Variants in USP6NL observed in about 807,000 individuals in gnomAD.
USP6NL encodes the protein USP6 N-terminal-like protein.
In USP6NL, 26 loss-of-function variants were observed where a neutral mutation model predicts 61.9. That is an observed-to-expected ratio of 0.42 (90% CI 0.31 to 0.58). USP6NL has a LOEUF of 0.58. Ranked by LOEUF, USP6NL falls within the 20% of genes least tolerant of loss-of-function variation. The pLI is 0.16. For synonymous variants in USP6NL, 432 were observed against 390.1 expected (o/e 1.11, Z -1.27); for missense variants, 1,114 against 1,034.3 (o/e 1.08, Z -1.06).
chr10:11,571,147 A>C lies in USP6NL; in HGVS notation c.4+26484T>G, dbSNP rs192842948. Among the ~76,000 whole-genome samples the C allele has an allele frequency of 2.6e-5, 4 of 151,224 alleles. No individual in the cohort carries two copies. The East Asian group carries it at 7.8e-4, about 30-fold the overall frequency. On this transcript the variant is annotated intron_variant, in intron 2 of 14. Transcript: ENST00000609104. ...TGCCCAAGCTGGAGTGCAATGGCGC[A>C]ATCTCAGCTCACCGCAACCTCTGCC... is the stretch of plus-strand genomic sequence containing the variant.
chr10:11,542,848 T>C (rs1836121607), intron 2 of USP6NL, among the ~76,000 whole-genome samples: 1 of 152,184 alleles, frequency 6.6e-6, no homozygotes, highest in South Asian at 2.1e-4. Flanking sequence ...CAGCAGCAGC[T>C]GCGTCGACAG....
In USP6NL at chr10:11,562,888, A is replaced by T; in HGVS notation, c.4+34743T>A. 1 of 527,964 alleles carries T rather than the reference A, an allele frequency of 1.9e-6. No individual in the cohort carries two copies. Among genetic ancestry groups the T allele is most frequent in the Non-Finnish European group, 2.4e-6 (1 of 412,144 alleles). 32.7% of individuals were successfully genotyped at this position (527,964 alleles called of 1,614,324 possible). On this transcript the variant is annotated intron_variant, in intron 2 of 14. Transcript: ENST00000609104. The surrounding 1 kb of genome is among the most constrained non-coding windows in gnomAD (Gnocchi z 4.8). ...AAAAGTAGACATCCACTTACCATGC[A>T]ATCTATGAATCACATTCCTGGGTAT...
rs775674398 is a variant in USP6NL, at chr10:11,463,662, G to A, written c.1266C>T (p.Thr422=). ...HEHSPHPQSR[T]GTPERAQPPR... ...GCGGCTGTGCTCTCTCGGGCGTCCC[G>A]GTCCTGCTCTGGGGGTGCGGGGAGT... The change falls in exon 15 of 15, where the codon ACC becomes ACT. Residue 422 remains threonine, a synonymous_variant. Coordinates refer to ENST00000609104, the MANE Select transcript of USP6NL (RefSeq NM_014688.5). The surrounding 1 kb of genome is among the most constrained non-coding windows in gnomAD (Gnocchi z 6.3). The A allele has an allele frequency of 1.3e-5, 21 of 1,613,858 alleles. No homozygotes were observed. The highest frequency in any genetic ancestry group is 5.0e-5 in the Admixed American group (3 of 60,016).
chr10:11,469,559 T>C (rs1832641634), intron 14 of USP6NL, among the ~76,000 whole-genome samples: 1 of 152,220 alleles, frequency 6.6e-6, no homozygotes, highest in Admixed American at 6.5e-5. Flanking sequence ...ACCTCAACTG[T>C]AGAAAAACAT....
chr10:11,599,319 C>CT (rs757892389), intron 1 of USP6NL, among the ~76,000 whole-genome samples: 4 of 152,150 alleles, frequency 2.6e-5, no homozygotes, highest in Non-Finnish European at 4.4e-5. Context: ...GGACTTTTCT[C>CT]TTTATGTTTA....
intron 1 of USP6NL, among the ~76,000 whole-genome samples, chr10:11,603,187 T>C (rs532307411): frequency 6.6e-6 from 1 of 152,320 alleles, no homozygotes; most frequent in Non-Finnish European, 1.5e-5. Context: ...TAATGAGGCA[T>C]GAGATAAGAA....
intron 2 of USP6NL, among the ~76,000 whole-genome samples, chr10:11,590,087 A>G (rs1396099086): frequency 2.0e-5 from 3 of 152,226 alleles, no homozygotes; most frequent in Non-Finnish European, 1.5e-5. Flanking sequence ...GTTTTAAAAA[A>G]GAATTAATTT....
Position 11,595,670 on chromosome 10 carries a change from A to C in USP6NL, c.4+1961T>G, listed in dbSNP as rs1373523911. On this transcript the variant is annotated intron_variant, in intron 2 of 14. Coordinates refer to ENST00000609104, the MANE Select transcript of USP6NL (RefSeq NM_014688.5). This position sits in a 1 kb window ranked among gnomAD's most constrained non-coding sequence, Gnocchi z 5.3. Reference sequence around the variant, plus strand: ...AAATCACAAAAAGAAAGAGAGAGACATAAGAGCAAAAAAACTTCCATCAGA... The same window carrying C: ...AAATCACAAAAAGAAAGAGAGAGACCTAAGAGCAAAAAAACTTCCATCAGA... Among the ~76,000 whole-genome samples the C allele has an allele frequency of 6.6e-6, 1 of 152,218 alleles. No homozygotes were observed. The highest frequency in any genetic ancestry group is 1.5e-5 in the Non-Finnish European group (1 of 68,024).
intron 2 of USP6NL, among the ~76,000 whole-genome samples, chr10:11,584,550 C>T (rs957305266): frequency 6.6e-6 from 1 of 152,174 alleles, no homozygotes; most frequent in Non-Finnish European, 1.5e-5. Flanking sequence ...CACTCTTCCC[C>T]CCTTTCTGAA....
At chr10:11,582,247 T>A (rs1241595952) in intron 2 of USP6NL, among the ~76,000 whole-genome samples, 1 of 152,178 alleles carries the variant, frequency 6.6e-6, no homozygotes, top group Non-Finnish European at 1.5e-5. Context: ...ATTACAGGCG[T>A]AAGCAACCAC....
At chr10:11,530,856 G>T (rs932408962) in intron 2 of USP6NL, among the ~76,000 whole-genome samples, 1 of 152,172 alleles carries the variant, frequency 6.6e-6, no homozygotes, top group African/African-American at 2.4e-5. Context: ...ATACTATCTG[G>T]TCTGAAGTTT....
intron 14 of USP6NL, among the ~76,000 whole-genome samples, chr10:11,475,551 G>A (rs571420820): frequency 4.8e-5 from 7 of 145,162 alleles, no homozygotes; most frequent in East Asian, 2.0e-4. Flanking sequence ...AGCCGAGATC[G>A]TGCCATTGCA....
At chr10:11,538,996 G>A (rs534339420) in intron 2 of USP6NL, among the ~76,000 whole-genome samples, 3 of 152,158 alleles carry the variant, frequency 2.0e-5, no homozygotes, top group African/African-American at 2.4e-5. Flanking sequence ...CTTCCATCAC[G>A]CTTCAAGTCA....
chr10:11,469,725 A>G (rs1229129427), intron 14 of USP6NL, among the ~76,000 whole-genome samples: 2 of 152,228 alleles, frequency 1.3e-5, no homozygotes, highest in East Asian at 1.9e-4. Context: ...GAGGCCCCGC[A>G]CAGTGGGGGA....
Position 11,541,230 on chromosome 10 carries a change from CATATATATATATAT to C in USP6NL, c.5-13677_5-13664del, listed in dbSNP as rs71378797. On this transcript the variant is annotated intron_variant, in intron 2 of 14. Coordinates refer to ENST00000609104, the MANE Select transcript of USP6NL (RefSeq NM_014688.5). Reference sequence around the variant, plus strand: ...TTTATATAACAAACATCAATAGTGCCATATATATATATATATATATATATATATATATATATATA... The same window carrying C: ...TTTATATAACAAACATCAATAGTGCCATATATATATATATATATATATATA... 6.9e-3 allele frequency among the ~76,000 whole-genome samples: 298 copies of C among 43,206 alleles called. 5 individuals are homozygous for C. The highest frequency in any genetic ancestry group is 0.053 in the East Asian group (94 of 1,766). 28.3% of individuals were successfully genotyped at this position (43,206 alleles called of 152,430 possible).
intron 4 of USP6NL, among the ~76,000 whole-genome samples, chr10:11,523,442 A>T (rs995048796): frequency 4.6e-5 from 7 of 152,170 alleles, no homozygotes; most frequent in African/African-American, 1.7e-4. Flanking sequence ...TATACCTTTC[A>T]GATTTGTGAA....
intron 2 of USP6NL, among the ~76,000 whole-genome samples, chr10:11,533,513 T>C (rs772533451): frequency 1.1e-4 from 17 of 152,116 alleles, no homozygotes; most frequent in Non-Finnish European, 2.2e-4. Flanking sequence ...GTCACAAGAA[T>C]CCTTCTGAAC....
At chr10:11,608,435 G>C (rs917246285) in intron 1 of USP6NL, among the ~76,000 whole-genome samples, 1 of 152,182 alleles carries the variant, frequency 6.6e-6, no homozygotes, top group South Asian at 2.1e-4. Flanking sequence ...GGCTATGGAC[G>C]GAACTCATAC....
chr10:11,547,834 C>T (rs1352575416), intron 2 of USP6NL, among the ~76,000 whole-genome samples: 4 of 152,154 alleles, frequency 2.6e-5, no homozygotes, highest in Non-Finnish European at 5.9e-5. Context: ...AGCCACTGCA[C>T]CCAGCCAAAA....
Sources: gnomAD v4.1 joint callset for allele counts (sites outside exome capture counted in the v4.1 genomes callset) on GRCh38, gnomAD v4.1.1 for gene constraint, Gnocchi (gnomAD v3.1) non-coding constraint, MANE v1.5 for transcripts, NCBI Gene and HGNC (gene_info 2026-07-23, HGNC 2026-07-21) for gene names.